The following ME2 variants were observed in gnomAD, a reference collection of about 807,000 sequenced individuals.
The protein encoded by ME2 is NAD-dependent malic enzyme, mitochondrial.
Under a neutral mutation model 73.7 loss-of-function variants are expected in ME2, and 60 were observed. That is an observed-to-expected ratio of 0.81 (90% CI 0.66 to 1.01). The LOEUF (loss-of-function observed/expected upper bound fraction) is 1.01. Ranked by LOEUF, ME2 falls within the 50% of genes least tolerant of loss-of-function variation. The pLI is 0.00. For synonymous variants in ME2, 199 were observed against 236.9 expected, an observed-to-expected ratio of 0.84 and a Z score of 1.47; for missense variants, 594 against 705.5, an observed-to-expected ratio of 0.84 and a Z score of 1.79.
At chr18:50,928,645 C>G (rs915131779) in intron 12 of ME2, among the ~76,000 whole-genome samples, 8 of 152,262 alleles carry the variant, frequency 5.3e-5, no homozygotes, top group African/African-American at 1.7e-4. Context: ...TTTACTTTTT[C>G]AAGTAGATCG....
At chr18:50,938,258 G>C (rs898268310) in intron 13 of ME2, among the ~76,000 whole-genome samples, 1 of 152,176 alleles carries the variant, frequency 6.6e-6, no homozygotes, top group Non-Finnish European at 1.5e-5. Flanking sequence ...AGTCCAGGGA[G>C]GTTGAGGTTG....
At chr18:50,938,103 G>A (rs1263904353) in intron 13 of ME2, among the ~76,000 whole-genome samples, 1 of 152,160 alleles carries the variant, frequency 6.6e-6, no homozygotes. Context: ...TGAGGCAAGA[G>A]GATTGCATGA....
At chr18:50,933,286 G>A (rs1475054746) in intron 13 of ME2, 6 of 152,012 alleles carry the variant, frequency 3.9e-5, no homozygotes, top group Admixed American at 3.9e-4. Context: ...ATTTTCTTTT[G>A]CACTTGTGTC....
At chr18:50,932,419 T>C (rs1435211694) in intron 13 of ME2, 59 bp downstream of exon 13, 9 of 1,299,422 alleles carry the variant, frequency 6.9e-6, no homozygotes, top group Non-Finnish European at 7.7e-6. Context: ...AAATACTTAA[T>C]GGAATTCTTT....
Position 50,952,576 on chromosome 18 carries a change from G to GT in ME2, c.*5398dup, listed in dbSNP as rs1480201860. On this transcript the variant is annotated 3_prime_UTR_variant, in exon 16 of 16. Coordinates refer to ENST00000321341, the MANE Select transcript of ME2 (RefSeq NM_002396.5). Reference sequence around the variant, plus strand: ...ACTTTTCATATGGCTATAGAATCTTGTTTTTTCCAAATAAAAACTTTGCAA... The same window carrying GT: ...ACTTTTCATATGGCTATAGAATCTTGTTTTTTTCCAAATAAAAACTTTGCAA... 1.3e-5 allele frequency: 2 copies of GT among 152,056 alleles called. No individual in the cohort carries two copies. Among genetic ancestry groups the GT allele is most frequent in the African/African-American group, 4.8e-5 (2 of 41,410 alleles). The allele number at this position is 152,056 out of a possible 1,614,324, so 9.4% of individuals were successfully genotyped here.
intron 12 of ME2, among the ~76,000 whole-genome samples, chr18:50,929,123 C>G (rs1420829129): frequency 6.6e-6 from 1 of 151,434 alleles, no homozygotes; most frequent in African/African-American, 2.4e-5. Context: ...TCAGAACTTC[C>G]TGAACTTAAT....
rs1212111183 is a variant in ME2 at position 50,917,676 on chromosome 18, T to C, written c.630+168T>C. On this transcript the variant is annotated intron_variant, in intron 6 of 15. Transcript: ENST00000321341. ...TATAAATAATAGTAAATTAAGTCTA[T>C]TAAAAGTTTCTTGGTCCGGGCATGG... Among the ~76,000 whole-genome samples, 5 of 152,052 alleles carry C rather than the reference T, an allele frequency of 3.3e-5. No homozygotes were observed. The East Asian group carries it at 9.6e-4, about 29-fold the overall frequency.
rs1319791761 is a variant in ME2, at chr18:50,924,157, CATACCTG to C, written c.1121_1127del (p.Pro374LeufsTer6). Reference sequence around the variant, plus strand: ...CATTTACTCACTCAGCCCCAGAGAGCATACCTGATACTTTTGAAGATGCAGTGAATAT... The same window carrying C: ...CATTTACTCACTCAGCCCCAGAGAGCATACTTTTGAAGATGCAGTGAATAT... On this transcript the variant is annotated frameshift_variant, in exon 11 of 16. Transcript: ENST00000321341. LOFTEE classifies it high-confidence loss of function. The C allele has an allele frequency of 1.9e-6, 3 of 1,613,274 alleles. No individual in the cohort carries two copies. The highest frequency in any genetic ancestry group is 2.5e-6 in the Non-Finnish European group (3 of 1,179,646).
chr18:50,904,536 G>A (rs1476421825), intron 2 of ME2, among the ~76,000 whole-genome samples: 9 of 151,968 alleles, frequency 5.9e-5, no homozygotes, highest in Non-Finnish European at 1.0e-4. Flanking sequence ...GCCTGCCTCC[G>A]CCTCCCACAG....
intron 12 of ME2, among the ~76,000 whole-genome samples, chr18:50,926,925 C>T (rs1278900324): frequency 1.3e-5 from 2 of 152,202 alleles, no homozygotes; most frequent in Admixed American, 6.5e-5. Context: ...CTTGTACTCA[C>T]ATTTCATGAA....
chr18:50,923,810 G>A (rs1917482467), intron 10 of ME2, among the ~76,000 whole-genome samples: 1 of 152,148 alleles, frequency 6.6e-6, no homozygotes, highest in African/African-American at 2.4e-5. Flanking sequence ...ATAAAGGACT[G>A]TAGGCTTTTG....
intron 13 of ME2, among the ~76,000 whole-genome samples, chr18:50,937,728 T>C (rs1917850112): frequency 6.6e-6 from 1 of 151,766 alleles, no homozygotes; most frequent in African/African-American, 2.4e-5. Context: ...AAAAATAAAG[T>C]TTGATAGCAG....
chr18:50,909,273 A>G (rs1041637661), intron 3 of ME2, among the ~76,000 whole-genome samples: 1 of 152,152 alleles, frequency 6.6e-6, no homozygotes, highest in African/African-American at 2.4e-5. Flanking sequence ...AGCAAACTTA[A>G]TATATATGAC....
At chr18:50,910,708 G>T (rs762093696) in intron 3 of ME2, among the ~76,000 whole-genome samples, 4 of 152,156 alleles carry the variant, frequency 2.6e-5, no homozygotes, top group Non-Finnish European at 5.9e-5. Flanking sequence ...CTCCACAAAT[G>T]AAAACACTCA....
intron 15 of ME2, among the ~76,000 whole-genome samples, chr18:50,946,122 A>G (rs1918077266): frequency 6.6e-6 from 1 of 151,764 alleles, no homozygotes. Context: ...AAATAAATAA[A>G]TAAATAAATA....
At position 50,908,165 on chromosome 18, in the gene ME2, A is replaced by G; in HGVS notation, c.211A>G (p.Asn71Asp). Residue 71 changes from asparagine to aspartate, a missense_variant, in exon 3 of 16, where the codon AAC becomes GAC. Transcript: ENST00000321341. ...TATTCAAGCCTTACGATTTCATAGA[A>G]ACTTGAAGAAAATGACTAGCCCTTT... is the stretch of plus-strand genomic sequence containing the variant. ...QDIQALRFHR[N>D]LKKMTSPLEK... is the part of the protein sequence containing the mutation. 6.2e-7 allele frequency: 1 copy of G among 1,603,256 alleles called. No individual in the cohort carries two copies. The highest frequency in any genetic ancestry group is 8.5e-7 in the Non-Finnish European group (1 of 1,176,264).
At chr18:50,926,279 A>G (rs1917550395) in intron 12 of ME2, among the ~76,000 whole-genome samples, 1 of 152,062 alleles carries the variant, frequency 6.6e-6, no homozygotes, top group South Asian at 2.1e-4. Context: ...TCCTTTATTT[A>G]AGTGTAGGTC....
intron 2 of ME2, among the ~76,000 whole-genome samples, chr18:50,901,696 C>T (rs1916894439): frequency 6.6e-6 from 1 of 152,126 alleles, no homozygotes; most frequent in African/African-American, 2.4e-5. Flanking sequence ...ACAAGGTGAG[C>T]CAACTCTAAA....
chr18:50,950,638 A>G lies in ME2; in HGVS notation c.*3454A>G, dbSNP rs1314345298. The G allele has an allele frequency of 1.3e-5, 2 of 151,812 alleles. No individual in the cohort carries two copies. Among genetic ancestry groups the G allele is most frequent in the African/African-American group, 2.4e-5 (1 of 41,370 alleles). 9.4% of individuals were successfully genotyped at this position (151,812 alleles called of 1,614,324 possible). A position where few individuals can be genotyped will look rare whatever the true frequency, so the allele number is the denominator to read the frequency against. Reference sequence around the variant, plus strand: ...TAGCTGGGACTATAGGCGCAAGTCTATGCAACCACCCAGCTAATTTTTGTA... The same window carrying G: ...TAGCTGGGACTATAGGCGCAAGTCTGTGCAACCACCCAGCTAATTTTTGTA... On this transcript the variant is annotated 3_prime_UTR_variant, in exon 16 of 16. Transcript: ENST00000321341.
Sources: gnomAD v4.1 joint callset for allele counts (sites outside exome capture counted in the v4.1 genomes callset) on GRCh38, gnomAD v4.1.1 for gene constraint, MANE v1.5 for transcripts, NCBI Gene and HGNC (gene_info 2026-07-23, HGNC 2026-07-21) for gene names.